Variants in EGFR observed in about 807,000 individuals in gnomAD.
EGFR encodes the protein avian erythroblastic leukemia viral (v-erb-b) oncogene homolog.
EGFR carries 58 observed loss-of-function variants against 143.0 expected under a neutral mutation model. The observed-to-expected ratio is 0.41, with a 90% CI of 0.33 to 0.50. The LOEUF is 0.50. Ranked by LOEUF, EGFR falls within the 20% of genes least tolerant of loss-of-function variation. The probability of loss-of-function intolerance (pLI) is 0.39; values close to 1 mark genes in which losing one functional copy is unlikely to be tolerated. For missense variants in EGFR, 1,307 were observed against 1,579.0 expected, an observed-to-expected ratio of 0.83 and a Z score of 2.92; for synonymous variants, 613 against 594.4, an observed-to-expected ratio of 1.03 and a Z score of -0.45.
At chr7:55,108,697 C>T (rs1792283235) in intron 1 of EGFR, among the ~76,000 whole-genome samples, 1 of 152,156 alleles carries the variant, frequency 6.6e-6, no homozygotes. Context: ...TATAGTCACT[C>T]CAAACCAAAA....
chr7:55,113,136 T>TC (rs1321389781), intron 1 of EGFR, among the ~76,000 whole-genome samples: 2 of 152,210 alleles, frequency 1.3e-5, no homozygotes, highest in Non-Finnish European at 2.9e-5. Flanking sequence ...AGAAAGTTTT[T>TC]CAAAAGTCAC....
intron 1 of EGFR, among the ~76,000 whole-genome samples, chr7:55,063,004 G>T (rs1789280500): frequency 6.6e-6 from 1 of 152,144 alleles, no homozygotes; most frequent in Admixed American, 6.5e-5. Context: ...CAGAGGATCA[G>T]AGATGGAGAG....
chr7:55,202,937 GTGTA>G lies in EGFR; in HGVS notation c.3271+316_3271+319del, dbSNP rs762910762. On this transcript the variant is annotated intron_variant, in intron 27 of 27. Transcript: ENST00000275493. The stretch of plus-strand genomic sequence containing the variant: ...GAGTGTTCATGATGTGTGTACATCT[GTGTA>G]TGTGTGTGTGTGTATGTGTGTGTTT... The G allele has an allele frequency of 7.6e-5, 47 of 615,850 alleles. No individual in the cohort carries two copies. In the East Asian group the frequency reaches 1.3e-3, roughly 17 times the overall value. 38.1% of individuals were successfully genotyped at this position (615,850 alleles called of 1,614,324 possible). A position where few individuals can be genotyped will look rare whatever the true frequency, so the allele number is the denominator to read the frequency against.
At chr7:55,172,721 A>T in intron 16 of EGFR, 1 of 785,504 alleles carries the variant, frequency 1.3e-6, no homozygotes, top group South Asian at 1.6e-5. Flanking sequence ...AATACTCATT[A>T]TATGGAGAGG....
At chr7:55,141,696 C>T (rs1452196322) in intron 1 of EGFR, among the ~76,000 whole-genome samples, 1 of 151,802 alleles carries the variant, frequency 6.6e-6, no homozygotes, top group Non-Finnish European at 1.5e-5. Context: ...CACTTTTGTC[C>T]CTGATTTTAG....
intron 1 of EGFR, among the ~76,000 whole-genome samples, chr7:55,105,617 G>A (rs906573281): frequency 6.6e-6 from 1 of 152,206 alleles, no homozygotes; most frequent in East Asian, 1.9e-4. Flanking sequence ...CACAACTGGA[G>A]AAGCATTTAG....
intron 20 of EGFR, chr7:55,189,063 G>A (rs1787269778): frequency 6.6e-6 from 1 of 151,974 alleles, no homozygotes; most frequent in Non-Finnish European, 1.5e-5. Flanking sequence ...CGGGACCAAG[G>A]TGCATGCTCA....
chr7:55,182,341 G>A (rs1786921978), intron 20 of EGFR: 5 of 152,376 alleles, frequency 3.3e-5, no homozygotes, highest in Admixed American at 3.3e-4. Context: ...CCAGGGACCA[G>A]AGGGAGGGAG....
chr7:55,115,434 T>G (rs971446086), intron 1 of EGFR, among the ~76,000 whole-genome samples: 1 of 152,250 alleles, frequency 6.6e-6, no homozygotes, highest in Non-Finnish European at 1.5e-5. Context: ...GCTATTTTCA[T>G]GAGTTCGTTT....
chr7:55,142,298 C>T lies in EGFR; in HGVS notation c.101C>T (p.Thr34Met), dbSNP rs144158123. The part of the protein sequence containing the change: ...ALEEKKVCQG[T>M]SNKLTQLGTF... ...CTTTTTCTTCCAGTTTGCCAAGGCA[C>T]GAGTAACAAGCTCACGCAGTTGGGC... Residue 34 changes from threonine to methionine, a missense_variant, in exon 2 of 28, where the codon ACG becomes ATG. Around this residue, in one of 7 missense-constraint regions of EGFR, gnomAD observed 311 missense variants for 412.3 expected, o/e 0.75. Transcript: ENST00000275493. 3.7e-6 allele frequency: 6 copies of T among 1,614,182 alleles called. No homozygotes were observed. The highest frequency in any genetic ancestry group is 2.2e-5 in the East Asian group (1 of 44,884).
intron 1 of EGFR, among the ~76,000 whole-genome samples, chr7:55,134,846 T>C (rs1303314134): frequency 1.3e-5 from 2 of 152,248 alleles, no homozygotes; most frequent in Non-Finnish European, 1.5e-5. Context: ...CTATGATTTC[T>C]GAGGCCCTTT....
intron 27 of EGFR, among the ~76,000 whole-genome samples, chr7:55,204,803 TAC>T (rs142265202): frequency 0.23 from 29,864 of 130,444 alleles, 3,635 homozygotes; most frequent in Middle Eastern, 0.41. Context: ...TACACACGTA[TAC>T]ACACACCACA....
chr7:55,203,393 A>T (rs1429211435), intron 27 of EGFR, among the ~76,000 whole-genome samples: 1 of 148,150 alleles, frequency 6.7e-6, no homozygotes, highest in Non-Finnish European at 1.5e-5. Flanking sequence ...ATACATACAG[A>T]CACACCACAC....
At chr7:55,126,544 A>G (rs552963804) in intron 1 of EGFR, among the ~76,000 whole-genome samples, 59 of 152,348 alleles carry the variant, frequency 3.9e-4, no homozygotes, top group Admixed American at 1.0e-3. Flanking sequence ...TTGTGAAGCC[A>G]GGACCCATGC....
intron 1 of EGFR, among the ~76,000 whole-genome samples, chr7:55,079,324 G>C (rs549036921): frequency 1.3e-5 from 2 of 152,236 alleles, no homozygotes; most frequent in Non-Finnish European, 2.9e-5. Flanking sequence ...TGTGCAGCGG[G>C]GAAGAGGGGC....
At chr7:55,141,087 T>C (rs1794432069) in intron 1 of EGFR, among the ~76,000 whole-genome samples, 1 of 152,240 alleles carries the variant, frequency 6.6e-6, no homozygotes, top group Non-Finnish European at 1.5e-5. Context: ...GTTTGTGCTC[T>C]ACCACCTGGT....
At chr7:55,106,278 G>T (rs369195449) in intron 1 of EGFR, among the ~76,000 whole-genome samples, 1 of 152,378 alleles carries the variant, frequency 6.6e-6, no homozygotes, top group East Asian at 1.9e-4. Context: ...ACGTTGAACA[G>T]TGTGCGTCCA....
intron 15 of EGFR, 64 bp from the exon 16 acceptor site, chr7:55,171,111 C>A: frequency 6.2e-7 from 1 of 1,608,848 alleles, no homozygotes; most frequent in East Asian, 2.2e-5. Flanking sequence ...AATTAAAAAT[C>A]TCCAAAATAT....
Position 55,153,998 on chromosome 7 carries a change from C to T in EGFR, c.748-13C>T, listed in dbSNP as rs1360557376. The T allele has an allele frequency of 6.2e-7, 1 of 1,614,100 alleles. No homozygotes were observed. Among genetic ancestry groups the T allele is most frequent in the Non-Finnish European group, 8.5e-7 (1 of 1,180,050 alleles). ...TTACCTCACTTGCCCAGCGTGTCCTCTCTCCTCCATAGGTCTGCCGCAAAT... is the reference window on the plus strand; with the variant it reads ...TTACCTCACTTGCCCAGCGTGTCCTTTCTCCTCCATAGGTCTGCCGCAAAT... On this transcript the variant is annotated splice_polypyrimidine_tract_variant and intron_variant, in intron 6 of 27. Transcript: ENST00000275493.
Sources: gnomAD v4.1 joint callset for allele counts (sites outside exome capture counted in the v4.1 genomes callset) on GRCh38, gnomAD v4.1.1 for gene constraint, gnomAD v4.1.1 regional missense constraint, MANE v1.5 for transcripts, NCBI Gene and HGNC (gene_info 2026-07-23, HGNC 2026-07-21) for gene names.